NOL7: variants seen among roughly 807,000 people sequenced by gnomAD.
NOL7 encodes the protein nucleolar protein 7, also known as U3 small nucleolar RNA-associated protein NOL7.
Under a neutral mutation model 38.4 loss-of-function variants are expected in NOL7, and 36 were observed. The ratio of observed to expected loss-of-function variants is 0.94; its 90% CI spans 0.72 to 1.24. NOL7 has a LOEUF of 1.24. Among genes scored for constraint, NOL7 ranks in the 50% most tolerant of loss-of-function variants. NOL7 has a pLI of 0.00. For synonymous variants in NOL7, 142 were observed against 126.5 expected, an observed-to-expected ratio of 1.12 and a Z score of -0.82; for missense variants, 350 against 315.1, an observed-to-expected ratio of 1.11 and a Z score of -0.84.
chr6:13,622,296 C>T, downstream of NOL7: 1 of 1,364,172 alleles, frequency 7.3e-7, no homozygotes, highest in East Asian at 2.6e-5. Flanking sequence ...TTCAAATCAG[C>T]AGAGCTGGTC....
intron 2 of NOL7, 94 bp downstream of exon 2, chr6:13,615,866 T>A: frequency 7.9e-7 from 1 of 1,264,012 alleles, no homozygotes; most frequent in Non-Finnish European, 1.1e-6. Context: ...GATATTGGAG[T>A]GGGGAAACAG....
intron 8 of NOL7, among the ~76,000 whole-genome samples, chr6:13,627,676 A>G (rs1764653269): frequency 6.6e-6 from 1 of 151,044 alleles, no homozygotes; most frequent in Non-Finnish European, 1.5e-5. Flanking sequence ...TTAAGGACTG[A>G]GCTTTGCTCA....
chr6:13,620,623 T>C, intron 7 of NOL7, 131 bp from the exon 8 acceptor site: 3 of 995,740 alleles, frequency 3.0e-6, no homozygotes, highest in East Asian at 5.2e-5. Context: ...AACAGGTCAA[T>C]GTAGTATGTA....
chr6:13,617,292 T>C lies in NOL7; in HGVS notation c.387-478T>C, dbSNP rs1236857516. 1.3e-5 allele frequency among the ~76,000 whole-genome samples: 2 copies of C among 150,350 alleles called. 1 individual carries two copies. The highest frequency in any genetic ancestry group is 6.3e-3 in the Middle Eastern group (2 of 316). ...TTCCGCTTTTGTGTGGCCTTTCTCC[T>C]GTGCAAATGCTTCTGTATTGTATTC... On this transcript the variant is annotated intron_variant, in intron 3 of 7. Transcript: ENST00000451315.
At chr6:13,622,638 A>G (rs1000734236), downstream of NOL7, 34 of 840,590 alleles carry the variant, frequency 4.0e-5, no homozygotes, top group East Asian at 8.0e-4. Context: ...TCTAAGCAAA[A>G]GACAGATGCC....
At chr6:13,622,330 A>G (rs1310939648), downstream of NOL7, 2 of 1,473,078 alleles carry the variant, frequency 1.4e-6, no homozygotes, top group Non-Finnish European at 1.8e-6. Flanking sequence ...ACTATATGCC[A>G]CAATATAAGT....
chr6:13,615,375 C>A lies in NOL7; in HGVS notation c.17C>A (p.Pro6Gln), dbSNP rs770549608. MVQLR[P>Q]RASRAPASAE... ...GCGTGGGCCATGGTGCAGCTCCGAC[C>A]GCGAGCGTCTCGCGCCCCGGCGTCG... The change falls in exon 1 of 8, where the codon CCG (proline) becomes CAG (glutamine). Residue 6 changes from proline (P) to glutamine (Q), a missense_variant. By Grantham distance (76) the Pro-to-Gln change is moderately conservative. Transcript: ENST00000451315. 1 of 1,514,042 alleles carries A rather than the reference C, an allele frequency of 6.6e-7. No individual in the cohort carries two copies. Among genetic ancestry groups the A allele is most frequent in the East Asian group, 2.5e-5 (1 of 40,778 alleles). 93.8% of individuals were successfully genotyped at this position (1,514,042 alleles called of 1,614,324 possible).
intron 3 of NOL7, among the ~76,000 whole-genome samples, chr6:13,616,796 A>G (rs1273600923): frequency 6.6e-6 from 1 of 152,230 alleles, no homozygotes; most frequent in African/African-American, 2.4e-5. Flanking sequence ...GTACTAGGGC[A>G]TAGTGGGTGG....
At chr6:13,619,182 C>T (rs1764370848) in intron 5 of NOL7, among the ~76,000 whole-genome samples, 1 of 152,202 alleles carries the variant, frequency 6.6e-6, no homozygotes, top group Non-Finnish European at 1.5e-5. Context: ...ACAGTCATTC[C>T]AATGGAAAGG....
chr6:13,619,235 G>A (rs1764372109), intron 5 of NOL7, among the ~76,000 whole-genome samples: 1 of 152,218 alleles, frequency 6.6e-6, no homozygotes, highest in African/African-American at 2.4e-5. Context: ...TTCAAAAGGA[G>A]TCATTTTTCA....
rs1764292200 is a variant in NOL7, at chr6:13,616,523, T to G, written c.386+2T>G. ...GTTAACCACAGCTTCACAGACTAAG[T>G]AAGTAATGGATCTTTTTATATTACT... is the stretch of plus-strand genomic sequence containing the variant. On this transcript the variant is annotated splice_donor_variant, in intron 3 of 7. Transcript: ENST00000451315. LOFTEE classifies it high-confidence loss of function. The G allele has an allele frequency of 1.3e-6, 2 of 1,592,770 alleles. No individual in the cohort carries two copies. The highest frequency in any genetic ancestry group is 2.7e-5 in the African/African-American group (2 of 74,178).
In NOL7 at chr6:13,620,400, T is replaced by C. The variant is rs1453235935; in HGVS notation, c.623-8T>C. Reference sequence around the variant, plus strand: ...AACTGTGAAATGATAAATACCTTTCTTTTCTAGTAAATAAGTTCCTGTCTC... The same window carrying C: ...AACTGTGAAATGATAAATACCTTTCCTTTCTAGTAAATAAGTTCCTGTCTC... On this transcript the variant is annotated splice_region_variant and splice_polypyrimidine_tract_variant and intron_variant, in intron 6 of 7. Transcript: ENST00000451315. 6.2e-7 allele frequency: 1 copy of C among 1,613,946 alleles called. No individual in the cohort carries two copies. The highest frequency in any genetic ancestry group is 8.5e-7 in the Non-Finnish European group (1 of 1,179,960).
Position 13,628,476 on chromosome 6 carries a change from C to A in NOL7, n.574-3917C>A, listed in dbSNP as rs564675425. Among the ~76,000 whole-genome samples the A allele has an allele frequency of 1.6e-4, 25 of 152,186 alleles. No homozygotes were observed. In the South Asian group the frequency reaches 4.3e-3, roughly 26 times the overall value. ...ATACCCCAAAAAACATACTAAAAAG[C>A]TTCAAGTTTTTCCAATAAGGAAATA... On this transcript the variant is annotated intron_variant and non_coding_transcript_variant, in intron 8 of 8. Transcript: ENST00000474485.
intron 2 of NOL7, among the ~76,000 whole-genome samples, chr6:13,616,174 CAG>C (rs1764282376): frequency 6.6e-6 from 1 of 152,222 alleles, no homozygotes; most frequent in African/African-American, 2.4e-5. Context: ...ATACTCGACA[CAG>C]AGAGCTGGCT....
At chr6:13,630,518 TA>T (rs61203161) in intron 8 of NOL7, among the ~76,000 whole-genome samples, 78 of 146,984 alleles carry the variant, frequency 5.3e-4, no homozygotes, top group South Asian at 2.4e-3. Context: ...TAAGAATTCT[TA>T]AAAAAAAAAA....
At chr6:13,630,159 C>T (rs997373673) in intron 8 of NOL7, among the ~76,000 whole-genome samples, 1 of 152,078 alleles carries the variant, frequency 6.6e-6, no homozygotes, top group African/African-American at 2.4e-5. Flanking sequence ...CACCTTATCC[C>T]TATCTAGATC....
Position 13,620,840 on chromosome 6 carries a change from T to A in NOL7, c.*13T>A, listed in dbSNP as rs1157025506. Reference sequence around the variant, plus strand: ...AACTAAGAAGTAAATCAATGCTAAATGAAGAATCTGTACTTTGTATGTATA... The same window carrying A: ...AACTAAGAAGTAAATCAATGCTAAAAGAAGAATCTGTACTTTGTATGTATA... On this transcript the variant is annotated 3_prime_UTR_variant, in exon 8 of 8. Transcript: ENST00000451315. The A allele has an allele frequency of 1.3e-6, 2 of 1,483,146 alleles. No individual in the cohort carries two copies. Among genetic ancestry groups the A allele is most frequent in the Non-Finnish European group, 1.9e-6 (2 of 1,073,140 alleles). The allele number at this position is 1,483,146 out of a possible 1,614,324, so 91.9% of individuals were successfully genotyped here.
At chr6:13,625,539 A>G, downstream of NOL7, 1 of 620,608 alleles carries the variant, frequency 1.6e-6, no homozygotes, top group South Asian at 2.6e-5. Flanking sequence ...TATTTTAAAA[A>G]TATAGAAAAC....
rs374048264 is a variant in NOL7 at position 13,616,557 on chromosome 6, T to G, written c.386+36T>G. ...GATCTTTTTATATTACTTGCTTATA[T>G]ACACCCATCTTTGAATTATATACTG... On this transcript the variant is annotated intron_variant, in intron 3 of 7. Transcript: ENST00000451315. 2.2e-6 allele frequency: 3 copies of G among 1,388,618 alleles called. No individual in the cohort carries two copies. In the African/African-American group the frequency reaches 4.3e-5, roughly 20 times the overall value. The allele number at this position is 1,388,618 out of a possible 1,614,324, so 86.0% of individuals were successfully genotyped here.
Sources: allele counts gnomAD v4.1 joint callset (sites outside exome capture counted in the v4.1 genomes callset), GRCh38; gene constraint gnomAD v4.1.1; transcripts MANE v1.5; gene names NCBI Gene and HGNC (gene_info 2026-07-23, HGNC 2026-07-21).